UHRF2: variants seen among roughly 807,000 people sequenced by gnomAD.
UHRF2 encodes the protein E3 ubiquitin-protein ligase UHRF2.
UHRF2 carries 23 observed loss-of-function variants against 96.8 expected under a neutral mutation model. The observed-to-expected ratio is 0.24, with a 90% CI of 0.17 to 0.34. The LOEUF (loss-of-function observed/expected upper bound fraction) is 0.34. UHRF2 is among the 10% of genes least tolerant of loss of function. The probability of loss-of-function intolerance (pLI) is 1.00; values close to 1 mark genes in which losing one functional copy is unlikely to be tolerated. For synonymous variants in UHRF2, 385 were observed against 332.6 expected (o/e 1.16, Z -1.72); for missense variants, 685 against 981.5 (o/e 0.70, Z 4.04).
At chr9:6,416,370 G>C (rs896508696) in intron 1 of UHRF2, among the ~76,000 whole-genome samples, 2 of 150,498 alleles carry the variant, frequency 1.3e-5, no homozygotes, top group Admixed American at 6.6e-5. Flanking sequence ...GCCCAGCCTT[G>C]ACTCCACATT....
chr9:6,457,288 T>G (rs1033099192), intron 3 of UHRF2, among the ~76,000 whole-genome samples: 3 of 152,230 alleles, frequency 2.0e-5, no homozygotes, highest in Admixed American at 2.0e-4. Context: ...GGGAGTTCAC[T>G]CATGATTTGG....
At chr9:6,413,808 C>G (rs932340736) in intron 1 of UHRF2, 165 bp downstream of exon 1, 3 of 880,840 alleles carry the variant, frequency 3.4e-6, no homozygotes, top group Non-Finnish European at 1.5e-6. Flanking sequence ...CCCAGTCCCG[C>G]CGAATGGTGG....
chr9:6,457,693 TTTA>T (rs1395079948), intron 3 of UHRF2, among the ~76,000 whole-genome samples: 1 of 152,148 alleles, frequency 6.6e-6, no homozygotes, highest in Non-Finnish European at 1.5e-5. Flanking sequence ...CAAAACCTAG[TTTA>T]TTGAGAGTTT....
intron 13 of UHRF2, among the ~76,000 whole-genome samples, 181 bp from the exon 14 acceptor site, chr9:6,500,371 T>G (rs1816223557): frequency 6.6e-6 from 1 of 152,226 alleles, no homozygotes; most frequent in African/African-American, 2.4e-5. Context: ...ATCTTTTGTT[T>G]AATAGTGTCA....
intron 4 of UHRF2, among the ~76,000 whole-genome samples, chr9:6,463,300 T>G (rs913250884): frequency 6.6e-6 from 1 of 151,290 alleles, no homozygotes; most frequent in East Asian, 1.9e-4. Context: ...AAAAAAGACT[T>G]GAGTGGAAAT....
chr9:6,486,772 A>G (rs558686773), intron 8 of UHRF2, 49 bp from the exon 9 acceptor site: 3 of 1,569,844 alleles, frequency 1.9e-6, no homozygotes, highest in South Asian at 1.1e-5. Flanking sequence ...TTGTAAATGT[A>G]TCTTAACTGT....
intron 6 of UHRF2, among the ~76,000 whole-genome samples, chr9:6,480,420 C>G (rs965338143): frequency 7.9e-5 from 12 of 152,174 alleles, no homozygotes; most frequent in African/African-American, 2.9e-4. Context: ...TCTGAACAAA[C>G]CTGTTGAAGG....
At chr9:6,453,732 G>A (rs1264640670) in intron 3 of UHRF2, among the ~76,000 whole-genome samples, 8 of 152,012 alleles carry the variant, frequency 5.3e-5, no homozygotes, top group East Asian at 1.9e-4. Flanking sequence ...GTGAAACCCC[G>A]TCTCTACTAA....
intron 4 of UHRF2, among the ~76,000 whole-genome samples, chr9:6,471,934 C>G (rs1014975934): frequency 2.0e-5 from 3 of 152,122 alleles, no homozygotes; most frequent in African/African-American, 4.8e-5. Context: ...AGAATATAGC[C>G]AAAAGATTTC....
At chr9:6,471,733 G>C (rs1429271230) in intron 4 of UHRF2, among the ~76,000 whole-genome samples, 1 of 152,146 alleles carries the variant, frequency 6.6e-6, no homozygotes, top group Non-Finnish European at 1.5e-5. Context: ...ATATGAGTAA[G>C]TACAAGCAGT....
In UHRF2 at chr9:6,477,896, TACATA is replaced by T. The variant is rs1823681264; in HGVS notation, c.1160+90_1160+94del. 5 of 1,227,236 alleles carry T rather than the reference TACATA, an allele frequency of 4.1e-6. No homozygotes were observed. In the South Asian group the frequency reaches 7.8e-5, roughly 19 times the overall value. 76.0% of individuals were successfully genotyped at this position (1,227,236 alleles called of 1,614,324 possible). ...ACCACCAAAAGTAGATTTCTAAAGA[TACATA>T]ATATAAAAGTGCTTAAAATGTTATG... On this transcript the variant is annotated intron_variant, in intron 6 of 15. Transcript: ENST00000276893.
rs183127004 is a variant in UHRF2 at position 6,430,744 on chromosome 9, G to A, written c.385-3170G>A. 1.1e-3 allele frequency among the ~76,000 whole-genome samples: 175 copies of A among 152,198 alleles called. 2 individuals carry two copies. Among genetic ancestry groups the A allele is most frequent in the Non-Finnish European group, 2.3e-3 (157 of 68,020 alleles). ...CTAGCCATCTTGTTTCCCCTGCCTTGCCTTTCCCATGGAAAACACAATAAA... is the reference window on the plus strand; with the variant it reads ...CTAGCCATCTTGTTTCCCCTGCCTTACCTTTCCCATGGAAAACACAATAAA... On this transcript the variant is annotated intron_variant, in intron 2 of 15. Coordinates refer to ENST00000276893, the MANE Select transcript of UHRF2 (RefSeq NM_152896.3).
In UHRF2 at chr9:6,495,906, A is replaced by G. The variant is rs1255609955; in HGVS notation, c.1605-1292A>G. On this transcript the variant is annotated intron_variant, in intron 10 of 15. Transcript: ENST00000276893. Reference sequence around the variant, plus strand: ...AAGATAAAATAGGTGTAATATCTCAATAGGTATTCTGTAAGACGTAATAGT... The same window carrying G: ...AAGATAAAATAGGTGTAATATCTCAGTAGGTATTCTGTAAGACGTAATAGT... 2.6e-5 allele frequency: 4 copies of G among 152,174 alleles called. No homozygotes were observed. In the East Asian group the frequency reaches 5.8e-4, roughly 22 times the overall value. The allele number at this position is 152,174 out of a possible 1,614,324, so 9.4% of individuals were successfully genotyped here. A position where few individuals can be genotyped will look rare whatever the true frequency, so the allele number is the denominator to read the frequency against.
At position 6,445,981 on chromosome 9, in the gene UHRF2, C is replaced by CTTTTTTT. The variant is rs57147850; in HGVS notation, c.644+11821_644+11827dup. Among the ~76,000 whole-genome samples, 157 of 78,866 alleles carry CTTTTTTT rather than the reference C, an allele frequency of 2.0e-3. 1 individual carries two copies. Among genetic ancestry groups the CTTTTTTT allele is most frequent in the Middle Eastern group, 0.014 (2 of 138 alleles). 51.7% of individuals were successfully genotyped at this position (78,866 alleles called of 152,430 possible). ...TAAATACTCTTCCCCCCCCGCCACC[C>CTTTTTTT]TTTTTTTTTTTTTTTTTTTCCTGTT... is the stretch of plus-strand genomic sequence containing the variant. On this transcript the variant is annotated intron_variant, in intron 3 of 15. Transcript: ENST00000276893.
intron 10 of UHRF2, chr9:6,496,481 G>T (rs1484815670): frequency 1.3e-5 from 2 of 152,280 alleles, no homozygotes; most frequent in Admixed American, 1.3e-4. Context: ...TACTAAATAA[G>T]TTCCAGCTAA....
At chr9:6,422,488 T>C (rs906733975) in intron 2 of UHRF2, 3 of 420,602 alleles carry the variant, frequency 7.1e-6, no homozygotes, top group Non-Finnish European at 1.3e-5. Flanking sequence ...CATATAAAGC[T>C]CTACAAATCT....
intron 8 of UHRF2, among the ~76,000 whole-genome samples, chr9:6,486,255 G>A (rs1824283936): frequency 6.6e-6 from 1 of 152,178 alleles, no homozygotes; most frequent in Non-Finnish European, 1.5e-5. Context: ...TCTGTTGTGA[G>A]CATTCATGAC....
intron 3 of UHRF2, among the ~76,000 whole-genome samples, chr9:6,434,499 C>T (rs1820721654): frequency 1.3e-5 from 2 of 152,116 alleles, no homozygotes; most frequent in Admixed American, 1.3e-4. Context: ...TGCTGAATGG[C>T]ACAATCTCGC....
intron 15 of UHRF2, among the ~76,000 whole-genome samples, chr9:6,505,683 T>A (rs1348181428): frequency 6.6e-6 from 1 of 152,178 alleles, no homozygotes; most frequent in African/African-American, 2.4e-5. Flanking sequence ...GAATCCAGAT[T>A]TTTTTTCCCC....
Sources: allele counts gnomAD v4.1 joint callset (sites outside exome capture counted in the v4.1 genomes callset), GRCh38; gene constraint gnomAD v4.1.1; transcripts MANE v1.5; gene names NCBI Gene and HGNC (gene_info 2026-07-23, HGNC 2026-07-21).